Variants in CPAP observed in about 807,000 individuals in gnomAD.
CPAP encodes centrosome assembly and centriole elongation protein.
the CPAP span, chr13:24,904,071 CCATA>C: frequency 6.2e-7 from 1 of 1,613,374 alleles, no homozygotes; most frequent in Non-Finnish European, 8.5e-7. Flanking sequence ...ATGAAATAGG[CCATA>C]AATACTGAAC....
the CPAP span, chr13:24,885,362 C>T: frequency 6.2e-7 from 1 of 1,613,832 alleles, no homozygotes; most frequent in Non-Finnish European, 8.5e-7. Context: ...TTCAGTGGTT[C>T]AAGTGGCTCC....
chr13:24,906,121 A>G, the CPAP span: 1 of 1,612,986 alleles, frequency 6.2e-7, no homozygotes, highest in Non-Finnish European at 8.5e-7. Context: ...TGTGGTCCAA[A>G]TCCTCACTGC....
the CPAP span, among the ~76,000 whole-genome samples, chr13:24,927,578 C>T: frequency 6.6e-6 from 1 of 152,184 alleles, no homozygotes; most frequent in African/African-American, 2.4e-5. Context: ...TACTATTCTC[C>T]TTGCAAAACA....
the CPAP span, chr13:24,906,532 A>G: frequency 3.1e-6 from 5 of 1,613,852 alleles, no homozygotes; most frequent in South Asian, 2.2e-5. Flanking sequence ...ACTCAGTTAC[A>G]TTTTCTTTAT....
the CPAP span, chr13:24,933,409 T>C: frequency 1.2e-5 from 3 of 260,534 alleles, no homozygotes; most frequent in African/African-American, 4.3e-5. Context: ...AATATGAAAA[T>C]AGAATTTCAG....
At chr13:24,917,123 A>G in the CPAP span, among the ~76,000 whole-genome samples, 129,215 of 151,982 alleles carry the variant, frequency 0.85, 55,014 homozygotes, top group East Asian at 0.9. Flanking sequence ...GGTGGCGGGC[A>G]CCTGTAGTCC....
the CPAP span, among the ~76,000 whole-genome samples, chr13:24,924,175 G>C: frequency 6.6e-6 from 1 of 151,864 alleles, no homozygotes; most frequent in Non-Finnish European, 1.5e-5. Context: ...GGAAGCTAAA[G>C]CCCGAGACTT....
chr13:24,906,773 C>A, the CPAP span: 1 of 1,614,122 alleles, frequency 6.2e-7, no homozygotes, highest in Admixed American at 1.7e-5. Context: ...AGCGGTTTTC[C>A]GCTGGAGTTG....
At chr13:24,912,938 T>C in the CPAP span, 6 of 1,614,096 alleles carry the variant, frequency 3.7e-6, no homozygotes, top group East Asian at 4.5e-5. Flanking sequence ...CGATTTAATA[T>C]GACCCCAGCC....
At chr13:24,892,524 TC>T in the CPAP span, 1 of 793,044 alleles carries the variant, frequency 1.3e-6, no homozygotes, top group Non-Finnish European at 2.2e-6. Context: ...TCACAGTCAC[TC>T]CCCACTGCCC....
chr13:24,915,716 T>C, the CPAP span, among the ~76,000 whole-genome samples: 1 of 152,246 alleles, frequency 6.6e-6, no homozygotes, highest in Non-Finnish European at 1.5e-5. Flanking sequence ...GGAGAATTGC[T>C]TGAACCCAGG....
the CPAP span, among the ~76,000 whole-genome samples, chr13:24,895,494 C>G: frequency 2.6e-5 from 4 of 151,756 alleles, no homozygotes; most frequent in Middle Eastern, 3.2e-3. Flanking sequence ...AGGAGAATGG[C>G]GTGAAGCCGG....
chr13:24,920,205 C>G, the CPAP span, among the ~76,000 whole-genome samples: 1 of 152,182 alleles, frequency 6.6e-6, no homozygotes, highest in East Asian at 1.9e-4. Context: ...ATTGAAAATT[C>G]TTGTGTTTGG....
At chr13:24,902,887 A>G in the CPAP span, among the ~76,000 whole-genome samples, 1 of 152,202 alleles carries the variant, frequency 6.6e-6, no homozygotes, top group Non-Finnish European at 1.5e-5. Flanking sequence ...TGGGAACTAC[A>G]GTTGTATGAA....
the CPAP span, among the ~76,000 whole-genome samples, chr13:24,911,555 G>A: frequency 2.0e-5 from 3 of 152,144 alleles, no homozygotes; most frequent in South Asian, 4.1e-4. Context: ...TTTTTGGGGG[G>A]ACAGGGTCTC....
the CPAP span, among the ~76,000 whole-genome samples, chr13:24,883,569 ATCAT>A: frequency 6.6e-6 from 1 of 152,228 alleles, no homozygotes; most frequent in Middle Eastern, 3.4e-3. Context: ...CATTGTTTTA[ATCAT>A]TCATATTTTC....
chr13:24,883,591 A>T, the CPAP span, among the ~76,000 whole-genome samples: 1 of 152,078 alleles, frequency 6.6e-6, no homozygotes, highest in Non-Finnish European at 1.5e-5. Context: ...TTCATCACAA[A>T]ATGCTTAGTA....
the CPAP span, among the ~76,000 whole-genome samples, chr13:24,926,886 A>G: frequency 6.6e-6 from 1 of 152,346 alleles, no homozygotes; most frequent in Non-Finnish European, 1.5e-5. Flanking sequence ...AATTGAGGCC[A>G]TAGCAGACAA....
At chr13:24,917,543 C>T in the CPAP span, among the ~76,000 whole-genome samples, 1 of 152,142 alleles carries the variant, frequency 6.6e-6, no homozygotes, top group Non-Finnish European at 1.5e-5. Context: ...TGCAAAGAAA[C>T]ATGTCTGCAA....
Sources: allele counts gnomAD v4.1 joint callset (sites outside exome capture counted in the v4.1 genomes callset), GRCh38; gene constraint gnomAD v4.1.1; transcripts MANE v1.5; gene names NCBI Gene and HGNC (gene_info 2026-07-23, HGNC 2026-07-21).